MECOM: variants seen among roughly 807,000 people sequenced by gnomAD.
MECOM encodes histone-lysine N-methyltransferase MECOM.
MECOM carries 13 observed loss-of-function variants against 116.3 expected under a neutral mutation model. The observed-to-expected ratio is 0.11, with a 90% CI of 0.07 to 0.18. The LOEUF (loss-of-function observed/expected upper bound fraction) is 0.18, where lower values mean the gene tolerates loss of function less well. Among genes scored for constraint, MECOM ranks in the 10% least tolerant of loss-of-function variants. The pLI, the probability that MECOM is intolerant of heterozygous loss-of-function variation, is 1.00. For missense variants in MECOM, 1,299 were observed against 1,509.0 expected, an observed-to-expected ratio of 0.86 and a Z score of 2.31; for synonymous variants, 528 against 535.2, an observed-to-expected ratio of 0.99 and a Z score of 0.19.
intron 1 of MECOM, among the ~76,000 whole-genome samples, chr3:169,580,263 C>T (rs889732900): frequency 3.3e-5 from 5 of 151,994 alleles, no homozygotes; most frequent in African/African-American, 9.7e-5. Context: ...GAACAGATGA[C>T]GTTTGGTTAC....
chr3:169,633,917 AAC>A (rs1039148924), intron 1 of MECOM, among the ~76,000 whole-genome samples: 12 of 132,376 alleles, frequency 9.1e-5, no homozygotes, highest in African/African-American at 2.4e-4. Flanking sequence ...AAAAAAAAAA[AAC>A]AAAAAACAAA....
At chr3:169,469,669 T>C (rs1319400223) in intron 1 of MECOM, among the ~76,000 whole-genome samples, 1 of 152,132 alleles carries the variant, frequency 6.6e-6, no homozygotes. Flanking sequence ...ATTCATAAAC[T>C]CTGTGTCCAC....
At chr3:169,234,658 T>C (rs1753813717) in intron 2 of MECOM, among the ~76,000 whole-genome samples, 1 of 152,194 alleles carries the variant, frequency 6.6e-6, no homozygotes, top group Admixed American at 6.6e-5. Context: ...ATTGTGTAAG[T>C]TAAAACAGTA....
intron 5 of MECOM, among the ~76,000 whole-genome samples, chr3:169,124,496 C>G (rs1396985210): frequency 6.6e-6 from 1 of 151,980 alleles, no homozygotes; most frequent in African/African-American, 2.4e-5. Context: ...GATCTTTATT[C>G]AAACAAAACA....
At position 169,467,890 on chromosome 3, in the gene MECOM, C is replaced by T. The variant is rs147936405; in HGVS notation, c.38-86366G>A. 9.6e-3 allele frequency among the ~76,000 whole-genome samples: 1,465 copies of T among 152,250 alleles called. 17 individuals are homozygous for T. The highest frequency in any genetic ancestry group is 0.016 in the Non-Finnish European group (1,071 of 68,026). On this transcript the variant is annotated intron_variant, in intron 1 of 16. Coordinates refer to ENST00000651503, the MANE Select transcript of MECOM (RefSeq NM_004991.4). The stretch of plus-strand genomic sequence containing the variant: ...CCCAGCTCATGGTCAGCTTTCATCA[C>T]CATGGAATAGGGATGTAAATAAACA...
chr3:169,606,775 T>A (rs987507767), intron 1 of MECOM, among the ~76,000 whole-genome samples: 1 of 152,180 alleles, frequency 6.6e-6, no homozygotes, highest in Non-Finnish European at 1.5e-5. Flanking sequence ...CTACCATCCA[T>A]CTACTTTCCC....
At chr3:169,561,095 A>C (rs1322764418) in intron 1 of MECOM, among the ~76,000 whole-genome samples, 5 of 151,826 alleles carry the variant, frequency 3.3e-5, no homozygotes, top group Non-Finnish European at 5.9e-5. Context: ...GAAAAATTTT[A>C]ATTAAATTAA....
At chr3:169,265,484 T>A (rs1468723978) in intron 2 of MECOM, among the ~76,000 whole-genome samples, 2 of 152,248 alleles carry the variant, frequency 1.3e-5, no homozygotes, top group African/African-American at 4.8e-5. Flanking sequence ...TATCCATTTT[T>A]AAAATAGTGA....
intron 2 of MECOM, among the ~76,000 whole-genome samples, chr3:169,171,713 G>A (rs921051247): frequency 6.6e-6 from 1 of 151,858 alleles, no homozygotes; most frequent in Non-Finnish European, 1.5e-5. Flanking sequence ...ATAATAACAA[G>A]GATAAGAAGC....
chr3:169,431,268 G>A (rs1253609157), intron 1 of MECOM, among the ~76,000 whole-genome samples: 1 of 152,170 alleles, frequency 6.6e-6, no homozygotes, highest in Non-Finnish European at 1.5e-5. Flanking sequence ...GGGAGGAGTA[G>A]GAAGGGAGTA....
At chr3:169,498,010 A>C (rs1354911059) in intron 1 of MECOM, among the ~76,000 whole-genome samples, 1 of 152,188 alleles carries the variant, frequency 6.6e-6, no homozygotes, top group East Asian at 1.9e-4. Flanking sequence ...TCTTCTCTAG[A>C]GTCTTAAAAA....
intron 1 of MECOM, among the ~76,000 whole-genome samples, chr3:169,501,899 T>C (rs546441409): frequency 6.6e-6 from 1 of 152,116 alleles, no homozygotes; most frequent in Non-Finnish European, 1.5e-5. Flanking sequence ...ACATGATTGC[T>C]GGGTCAGCCA....
intron 2 of MECOM, among the ~76,000 whole-genome samples, chr3:169,152,503 G>A (rs1376960234): frequency 6.6e-6 from 1 of 152,136 alleles, no homozygotes; most frequent in African/African-American, 2.4e-5. Flanking sequence ...GTGGCTCGAG[G>A]ATTCAGGCAT....
At chr3:169,142,881 T>C (rs776743497) in intron 3 of MECOM, among the ~76,000 whole-genome samples, 2 of 151,974 alleles carry the variant, frequency 1.3e-5, no homozygotes, top group Non-Finnish European at 2.9e-5. Flanking sequence ...GAAACATATT[T>C]GATTTAGGAA....
chr3:169,268,085 G>C (rs900847205), intron 2 of MECOM, among the ~76,000 whole-genome samples: 1 of 151,990 alleles, frequency 6.6e-6, no homozygotes, highest in African/African-American at 2.4e-5. Flanking sequence ...AATTTTCCAG[G>C]TTCCTGGAAA....
chr3:169,498,232 C>A (rs1219309303), intron 1 of MECOM, among the ~76,000 whole-genome samples: 1 of 152,036 alleles, frequency 6.6e-6, no homozygotes, highest in African/African-American at 2.4e-5. Context: ...AACATGTTTA[C>A]CTGTGTGAAA....
Position 169,611,317 on chromosome 3 carries a change from C to A in MECOM, c.37+52019G>T, listed in dbSNP as rs1769244455. ...ACATTATGCCGAATCATAATACAGGCCTTGTACTTCTGCCTCAGCTGACTT... is the reference window on the plus strand; with the variant it reads ...ACATTATGCCGAATCATAATACAGGACTTGTACTTCTGCCTCAGCTGACTT... On this transcript the variant is annotated intron_variant, in intron 1 of 16. Transcript: ENST00000651503. This position sits in a 1 kb window ranked among gnomAD's most constrained non-coding sequence, Gnocchi z 4.1. Among the ~76,000 whole-genome samples the A allele has an allele frequency of 6.6e-6, 1 of 152,218 alleles. No individual in the cohort carries two copies. The highest frequency in any genetic ancestry group is 2.4e-5 in the African/African-American group (1 of 41,464).
At chr3:169,428,654 C>A (rs139411080) in intron 1 of MECOM, among the ~76,000 whole-genome samples, 1 of 152,210 alleles carries the variant, frequency 6.6e-6, no homozygotes, top group Admixed American at 6.5e-5. Flanking sequence ...AGAATATGCT[C>A]ATGAGGTCAT....
At chr3:169,215,169 C>T (rs554750750) in intron 2 of MECOM, among the ~76,000 whole-genome samples, 1 of 149,346 alleles carries the variant, frequency 6.7e-6, no homozygotes, top group East Asian at 1.9e-4. Context: ...GAACAAAACA[C>T]TAATGTGAAA....
Sources: allele counts gnomAD v4.1 joint callset (sites outside exome capture counted in the v4.1 genomes callset), GRCh38; gene constraint gnomAD v4.1.1; non-coding constraint Gnocchi (gnomAD v3.1); transcripts MANE v1.5; gene names NCBI Gene and HGNC (gene_info 2026-07-23, HGNC 2026-07-21).